FBXL7: variants seen among roughly 807,000 people sequenced by gnomAD.
FBXL7 encodes F-box/LRR-repeat protein 7.
Under a neutral mutation model 38.3 loss-of-function variants are expected in FBXL7, and 12 were observed. The ratio of observed to expected loss-of-function variants is 0.31; its 90% CI spans 0.20 to 0.51. FBXL7 has a LOEUF of 0.51. Among genes scored for constraint, FBXL7 ranks in the 20% least tolerant of loss-of-function variants. FBXL7 has a pLI of 0.98. For synonymous variants in FBXL7, 297 were observed against 300.9 expected, an observed-to-expected ratio of 0.99 and a Z score of 0.13; for missense variants, 567 against 676.4, an observed-to-expected ratio of 0.84 and a Z score of 1.79.
intron 2 of FBXL7, among the ~76,000 whole-genome samples, chr5:15,889,340 C>G (rs1740809129): frequency 6.6e-6 from 1 of 152,202 alleles, no homozygotes; most frequent in Admixed American, 6.5e-5. Flanking sequence ...TGCTGTGTGA[C>G]TTACCGGAGT....
intron 2 of FBXL7, among the ~76,000 whole-genome samples, chr5:15,832,049 T>C (rs1051333161): frequency 6.6e-6 from 1 of 152,200 alleles, no homozygotes; most frequent in Non-Finnish European, 1.5e-5. Context: ...CTCTCTACTC[T>C]AAATACTTTA....
intron 2 of FBXL7, among the ~76,000 whole-genome samples, chr5:15,878,211 G>A (rs1740291163): frequency 6.6e-6 from 1 of 152,174 alleles, no homozygotes; most frequent in African/African-American, 2.4e-5. Flanking sequence ...AGAAGTTGCG[G>A]GGAGTCAGGG....
At chr5:15,656,648 C>T (rs544229896) in intron 2 of FBXL7, among the ~76,000 whole-genome samples, 12 of 151,716 alleles carry the variant, frequency 7.9e-5, no homozygotes, top group South Asian at 4.2e-4. Context: ...TGGGTGGGGA[C>T]GCAGAGCCAA....
rs1736460815 is a variant in FBXL7, at chr5:15,500,587, C to G, written c.-90C>G. The G allele has an allele frequency of 6.4e-7, 1 of 1,571,648 alleles. No homozygotes were observed. The highest frequency in any genetic ancestry group is 2.2e-5 in the East Asian group (1 of 44,568). On this transcript the variant is annotated 5_prime_UTR_variant, in exon 1 of 4. Transcript: ENST00000504595. Reference sequence around the variant, plus strand: ...GGGGGGGATGTGCAGCTAACGGTCCCGTCGGGCGGGCTTTCCTCGGGCCGA... The same window carrying G: ...GGGGGGGATGTGCAGCTAACGGTCCGGTCGGGCGGGCTTTCCTCGGGCCGA...
At chr5:15,537,964 G>A (rs1190595949) in intron 1 of FBXL7, among the ~76,000 whole-genome samples, 1 of 152,188 alleles carries the variant, frequency 6.6e-6, no homozygotes, top group African/African-American at 2.4e-5. Context: ...AAGACCCTGA[G>A]CTATGGGGAG....
At chr5:15,744,845 T>C (rs968444729) in intron 2 of FBXL7, among the ~76,000 whole-genome samples, 13 of 152,150 alleles carry the variant, frequency 8.5e-5, no homozygotes, top group African/African-American at 1.4e-4. Flanking sequence ...CATGCCCTTC[T>C]TCACGTGTCA....
intron 2 of FBXL7, among the ~76,000 whole-genome samples, chr5:15,675,164 C>CT (rs1167541023): frequency 6.6e-6 from 1 of 152,208 alleles, no homozygotes; most frequent in Non-Finnish European, 1.5e-5. Flanking sequence ...CCAAAATACA[C>CT]TTTATCTTCA....
chr5:15,664,671 T>C (rs1254685192), intron 2 of FBXL7, among the ~76,000 whole-genome samples: 3 of 151,774 alleles, frequency 2.0e-5, no homozygotes, highest in African/African-American at 7.3e-5. Context: ...AGGGTTTCAC[T>C]ATGTTGGCCA....
At chr5:15,760,289 A>C (rs996801296) in intron 2 of FBXL7, among the ~76,000 whole-genome samples, 3 of 152,080 alleles carry the variant, frequency 2.0e-5, no homozygotes, top group Non-Finnish European at 4.4e-5. Context: ...TAGGAAAATG[A>C]TTAGCTGTGG....
intron 2 of FBXL7, among the ~76,000 whole-genome samples, chr5:15,843,840 G>A (rs1738815048): frequency 6.6e-6 from 1 of 151,072 alleles, no homozygotes; most frequent in Admixed American, 6.6e-5. Flanking sequence ...CTTAATATGT[G>A]TATTAAGCTA....
Position 15,593,777 on chromosome 5 carries a change from T to A in FBXL7, c.38-22206T>A, listed in dbSNP as rs530318953. 4.6e-5 allele frequency among the ~76,000 whole-genome samples: 7 copies of A among 152,286 alleles called. No individual in the cohort carries two copies. The East Asian group carries it at 1.4e-3, about 29-fold the overall frequency. ...CTCTTTTTGCTGAATATATGCTATT[T>A]CTCTGTGCTAATTGGCAACTCACTA... On this transcript the variant is annotated intron_variant, in intron 1 of 3. Coordinates refer to ENST00000504595, the MANE Select transcript of FBXL7 (RefSeq NM_012304.5).
At chr5:15,580,710 G>C (rs1444123804) in intron 1 of FBXL7, 1 of 985,274 alleles carries the variant, frequency 1.0e-6, no homozygotes, top group African/African-American at 1.7e-5. Flanking sequence ...GCCAGAACAG[G>C]AAGGGAGGTG....
At chr5:15,845,175 G>T (rs1738859226) in intron 2 of FBXL7, among the ~76,000 whole-genome samples, 2 of 152,316 alleles carry the variant, frequency 1.3e-5, no homozygotes, top group African/African-American at 4.8e-5. Context: ...TTCCTTCTGA[G>T]AAATGGTTTC....
rs1338404345 is a variant in FBXL7 at position 15,928,057 on chromosome 5, C to A, written c.295C>A (p.Pro99Thr). The change falls in exon 3 of 4, where the codon CCG (proline) becomes ACG (threonine). Residue 99 changes from proline (P) to threonine (T), a missense_variant. Transcript: ENST00000504595. The surrounding 1 kb of genome is among the most constrained non-coding windows in gnomAD (Gnocchi z 4.0). ...HSPPPTRLTH[P>T]LIRLASRPQK... ...CCCGCCCCCGACCCGCCTCACACAC[C>A]CGCTCATCCGGCTCGCCTCCAGACC... The A allele has an allele frequency of 2.6e-6, 4 of 1,518,662 alleles. No individual in the cohort carries two copies. The highest frequency in any genetic ancestry group is 2.6e-5 in the East Asian group (1 of 39,010). The allele number at this position is 1,518,662 out of a possible 1,614,324, so 94.1% of individuals were successfully genotyped here.
chr5:15,923,126 C>G (rs1741786680), intron 2 of FBXL7, among the ~76,000 whole-genome samples: 1 of 152,228 alleles, frequency 6.6e-6, no homozygotes, highest in African/African-American at 2.4e-5. Context: ...ATATTTGTCT[C>G]TGATGTTCTC....
chr5:15,688,166 A>T (rs1743075256), intron 2 of FBXL7, among the ~76,000 whole-genome samples: 1 of 152,140 alleles, frequency 6.6e-6, no homozygotes. Flanking sequence ...TTTTGAAATT[A>T]TATATGTCGG....
chr5:15,635,999 C>T (rs566870168), intron 2 of FBXL7, among the ~76,000 whole-genome samples: 6 of 151,136 alleles, frequency 4.0e-5, no homozygotes, highest in Non-Finnish European at 8.8e-5. Context: ...TTGTCTATAG[C>T]AAGGTTAGTA....
intron 2 of FBXL7, among the ~76,000 whole-genome samples, chr5:15,757,878 G>C (rs1420052910): frequency 6.6e-6 from 1 of 152,140 alleles, no homozygotes; most frequent in East Asian, 1.9e-4. Flanking sequence ...CAGCCTCTCT[G>C]TATGGCATAT....
intron 2 of FBXL7, among the ~76,000 whole-genome samples, chr5:15,672,924 T>C (rs900544567): frequency 2.0e-5 from 3 of 152,182 alleles, no homozygotes; most frequent in Admixed American, 1.3e-4. Context: ...TTTTGCAAAA[T>C]GTATTTGGGT....
Sources: allele counts gnomAD v4.1 joint callset (sites outside exome capture counted in the v4.1 genomes callset), GRCh38; gene constraint gnomAD v4.1.1; non-coding constraint Gnocchi (gnomAD v3.1); transcripts MANE v1.5; gene names NCBI Gene and HGNC (gene_info 2026-07-23, HGNC 2026-07-21).